SLC22A15: variants seen among roughly 807,000 people sequenced by gnomAD.
SLC22A15 encodes the protein flipt 1.
Under a neutral mutation model 62.7 loss-of-function variants are expected in SLC22A15, and 45 were observed. The observed-to-expected ratio is 0.72, with a 90% confidence interval of 0.56 to 0.92. The LOEUF (loss-of-function observed/expected upper bound fraction) is 0.92. Among genes scored for constraint, SLC22A15 ranks in the 40% least tolerant of loss-of-function variants. The probability of loss-of-function intolerance (pLI) is 0.00; values close to 1 mark genes in which losing one functional copy is unlikely to be tolerated. For missense variants in SLC22A15, 622 were observed against 665.6 expected (o/e 0.93, Z 0.72); for synonymous variants, 264 against 267.0 (o/e 0.99, Z 0.11).
chr1:115,995,577 A>G (rs1359797764), intron 2 of SLC22A15, among the ~76,000 whole-genome samples: 1 of 152,158 alleles, frequency 6.6e-6, no homozygotes, highest in Non-Finnish European at 1.5e-5. Context: ...TAACTCCAGC[A>G]CTTCCATCAC....
chr1:115,985,000 A>G (rs1570685184), intron 1 of SLC22A15, among the ~76,000 whole-genome samples: 2 of 152,338 alleles, frequency 1.3e-5, no homozygotes, highest in South Asian at 2.1e-4. Context: ...GAAAAGCTAC[A>G]GTAAGTTTAA....
intron 2 of SLC22A15, among the ~76,000 whole-genome samples, chr1:116,007,789 T>C (rs1656056847): frequency 6.6e-6 from 1 of 152,234 alleles, no homozygotes; most frequent in African/African-American, 2.4e-5. Context: ...TGGGATTCAA[T>C]GAGCTCATAT....
intron 5 of SLC22A15, among the ~76,000 whole-genome samples, chr1:116,031,141 A>T (rs776106519): frequency 1.3e-5 from 2 of 152,170 alleles, no homozygotes; most frequent in Non-Finnish European, 2.9e-5. Flanking sequence ...TTAAACTGCA[A>T]TTGTAAAGCA....
chr1:115,976,609 T>C lies in SLC22A15; in HGVS notation c.-19T>C, dbSNP rs1366197876. 1.3e-6 allele frequency: 2 copies of C among 1,554,512 alleles called. No homozygotes were observed. Among genetic ancestry groups the C allele is most frequent in the East Asian group, 2.5e-5 (1 of 39,852 alleles). On this transcript the variant is annotated 5_prime_UTR_variant, in exon 1 of 12. Transcript: ENST00000369503. Reference sequence around the variant, plus strand: ...CTGAGAGGGCGGTGGGGTGGCGGGGTTCCTGCGCGCGGCCCGCCATGGAGG... The same window carrying C: ...CTGAGAGGGCGGTGGGGTGGCGGGGCTCCTGCGCGCGGCCCGCCATGGAGG...
In SLC22A15 at chr1:116,031,551, T is replaced by C; in HGVS notation, c.914T>C (p.Leu305Ser). Residue 305 changes from leucine (L) to serine (S), a missense_variant, in exon 6 of 12, where the codon TTA becomes TCA. Coordinates refer to ENST00000369503, the MANE Select transcript of SLC22A15 (RefSeq NM_018420.3). ...GATCTCTTTCGTTACCGGGTCCTGT[T>C]AGGACACACTTTGATCCTGATGTTC... The part of the protein sequence containing the change: ...FLDLFRYRVL[L>S]GHTLILMFIW... 1 of 1,613,966 alleles carries C rather than the reference T, an allele frequency of 6.2e-7. No individual in the cohort carries two copies.
chr1:116,064,370 G>C, intron 9 of SLC22A15, 66 bp from the exon 10 acceptor site: 2 of 1,184,820 alleles, frequency 1.7e-6, no homozygotes, highest in Non-Finnish European at 2.5e-6. Flanking sequence ...GCCCGCTGCT[G>C]CCCCCCAAGG....
chr1:116,003,928 T>C (rs1248129284), intron 2 of SLC22A15, among the ~76,000 whole-genome samples: 1 of 152,214 alleles, frequency 6.6e-6, no homozygotes, highest in Non-Finnish European at 1.5e-5. Flanking sequence ...AAGTTATATT[T>C]GTCTTATTGG....
intron 4 of SLC22A15, among the ~76,000 whole-genome samples, chr1:116,026,287 C>T (rs1161879212): frequency 2.0e-5 from 3 of 151,808 alleles, no homozygotes; most frequent in Admixed American, 1.3e-4. Context: ...GGCATGGTGG[C>T]GGGCGCCTGT....
intron 1 of SLC22A15, among the ~76,000 whole-genome samples, chr1:115,978,436 A>C (rs924277): frequency 0.86 from 131,438 of 152,192 alleles, 57,872 homozygotes; most frequent in East Asian, 1. Flanking sequence ...TAAACCTTGG[A>C]TGATTTATGG....
chr1:115,987,192 G>A (rs34799574), intron 1 of SLC22A15, among the ~76,000 whole-genome samples: 32,962 of 146,726 alleles, frequency 0.22, 4,277 homozygotes, highest in East Asian at 0.47. Context: ...TTGAGACGGA[G>A]TCTTGCTCTG....
In SLC22A15 at chr1:115,976,537, C is replaced by G. The variant is rs1654290830; in HGVS notation, c.-91C>G. On this transcript the variant is annotated 5_prime_UTR_variant, in exon 1 of 12. Transcript: ENST00000369503. ...CATCCCCGCCCCGGCGGGTCCAAGC[C>G]GGTGCCGGGCGCCCAGGGGTTGCCG... 2 of 880,044 alleles carry G rather than the reference C, an allele frequency of 2.3e-6. No individual in the cohort carries two copies. The highest frequency in any genetic ancestry group is 3.3e-6 in the Non-Finnish European group (2 of 614,788). 54.5% of individuals were successfully genotyped at this position (880,044 alleles called of 1,614,324 possible).
Position 116,035,190 on chromosome 1 carries a change from T to G in SLC22A15, c.948T>G (p.Phe316Leu). The G allele has an allele frequency of 6.2e-7, 1 of 1,610,938 alleles. No individual in the cohort carries two copies. Among genetic ancestry groups the G allele is most frequent in the South Asian group, 1.1e-5 (1 of 90,342 alleles). ...GTCCTTTGACTCCCAATTGCAGGTT[T>G]GTGTGCAGCTTGGTGTATTATGGCC... Reference protein sequence around the residue: ...GHTLILMFIWFVCSLVYYGLT... With the variant: ...GHTLILMFIWLVCSLVYYGLT... Residue 316 changes from phenylalanine to leucine, a missense_variant, in exon 7 of 12, where the codon TTT becomes TTG. Physicochemically the swap from Phe to Leu is conservative, Grantham distance 22. Coordinates refer to ENST00000369503, the MANE Select transcript of SLC22A15 (RefSeq NM_018420.3).
At chr1:116,045,955 G>A (rs528479856) in intron 8 of SLC22A15, among the ~76,000 whole-genome samples, 89 of 151,648 alleles carry the variant, frequency 5.9e-4, no homozygotes, top group African/African-American at 2.1e-3. Flanking sequence ...AAATGCTCAT[G>A]GTCAATTAAT....
chr1:115,979,221 G>GT (rs1654475060), intron 1 of SLC22A15, among the ~76,000 whole-genome samples: 1 of 152,150 alleles, frequency 6.6e-6, no homozygotes. Flanking sequence ...TTGGTTAACT[G>GT]TTTTCTTGAA....
chr1:116,006,687 C>T lies in SLC22A15; in HGVS notation c.301-12895C>T, dbSNP rs576626598. On this transcript the variant is annotated intron_variant, in intron 2 of 11. Transcript: ENST00000369503. ...CCTCCTTTCCTTCTCTTCTCCCCAC[C>T]TTCTGTCCTTATTGCTCTTTCTTGT... 3.3e-5 allele frequency among the ~76,000 whole-genome samples: 5 copies of T among 152,082 alleles called. No individual in the cohort carries two copies. The East Asian group carries it at 9.7e-4, about 30-fold the overall frequency.
At chr1:116,020,041 A>C (rs986698125) in intron 3 of SLC22A15, among the ~76,000 whole-genome samples, 1 of 152,132 alleles carries the variant, frequency 6.6e-6, no homozygotes, top group Non-Finnish European at 1.5e-5. Flanking sequence ...TACTAGGCCC[A>C]TTTCCTTATA....
rs750007632 is a variant in SLC22A15, at chr1:116,064,511, T to C, written c.1365+3T>C. On this transcript the variant is annotated splice_donor_region_variant and intron_variant, in intron 10 of 11. Coordinates refer to ENST00000369503, the MANE Select transcript of SLC22A15 (RefSeq NM_018420.3). ...TTGCTCCCTTCATCCCCTCACTGGTTGGTTTGTACCTTCTAGTTTTGTTTT... is the reference window on the plus strand; with the variant it reads ...TTGCTCCCTTCATCCCCTCACTGGTCGGTTTGTACCTTCTAGTTTTGTTTT... 2 of 1,607,828 alleles carry C rather than the reference T, an allele frequency of 1.2e-6. No homozygotes were observed.
At chr1:116,065,889 A>G (rs1658485455) in intron 10 of SLC22A15, among the ~76,000 whole-genome samples, 1 of 152,208 alleles carries the variant, frequency 6.6e-6, no homozygotes, top group Non-Finnish European at 1.5e-5. Flanking sequence ...CTTTGTGATG[A>G]AATGTTTCCG....
intron 2 of SLC22A15, among the ~76,000 whole-genome samples, chr1:116,004,790 A>G (rs1213639130): frequency 2.6e-5 from 4 of 152,166 alleles, no homozygotes; most frequent in African/African-American, 4.8e-5. Context: ...TTCTCCAGTG[A>G]AATTATCTGT....
Sources: gnomAD v4.1 joint callset for allele counts (sites outside exome capture counted in the v4.1 genomes callset) on GRCh38, gnomAD v4.1.1 for gene constraint, MANE v1.5 for transcripts, NCBI Gene and HGNC (gene_info 2026-07-23, HGNC 2026-07-21) for gene names.